The following NADSYN1 variants were observed in gnomAD, a reference collection of about 807,000 sequenced individuals.
NADSYN1 encodes glutamine-dependent NAD(+) synthetase.
A neutral mutation model predicts 99.3 loss-of-function variants in NADSYN1; 80 were observed. The observed-to-expected ratio is 0.81, with a 90% CI of 0.67 to 0.97. The LOEUF (loss-of-function observed/expected upper bound fraction) is 0.97, where lower values mean the gene tolerates loss of function less well. Among genes scored for constraint, NADSYN1 ranks in the 50% least tolerant of loss-of-function variants. The pLI, the probability that NADSYN1 is intolerant of heterozygous loss-of-function variation, is 0.00. For missense variants in NADSYN1, 859 were observed against 948.5 expected (o/e 0.91, Z 1.24); for synonymous variants, 385 against 372.1 (o/e 1.03, Z -0.40).
At chr11:71,497,378 A>G (rs771552931) in intron 18 of NADSYN1, 105 bp from the exon 19 acceptor site, 7 of 1,457,238 alleles carry the variant, frequency 4.8e-6, no homozygotes, top group Non-Finnish European at 5.6e-6. Flanking sequence ...CTCTCTGGGA[A>G]AGTATTGCCT....
chr11:71,494,486 A>G (rs1428808452), intron 18 of NADSYN1, among the ~76,000 whole-genome samples: 1 of 152,162 alleles, frequency 6.6e-6, no homozygotes, highest in Non-Finnish European at 1.5e-5. Context: ...CTCAGAACGT[A>G]TCCCTGTCAT....
intron 1 of NADSYN1, 109 bp from the exon 2 acceptor site, chr11:71,454,994 TTTGTTTG>T (rs1949503500): frequency 1.4e-6 from 1 of 701,230 alleles, no homozygotes; most frequent in Admixed American, 2.9e-5. Flanking sequence ...ACAGAGCATT[TTTGTTTG>T]TTGTTTGTTT....
chr11:71,486,796 CTTTTTTTTT>C (rs57662255), intron 16 of NADSYN1, among the ~76,000 whole-genome samples: 4 of 60,968 alleles, frequency 6.6e-5, no homozygotes, highest in Non-Finnish European at 1.1e-4. Flanking sequence ...GCGTGAGTGT[CTTTTTTTTT>C]TTTTTTTTTT....
intron 17 of NADSYN1, among the ~76,000 whole-genome samples, chr11:71,491,404 GCCCCCC>G: frequency 6.6e-6 from 1 of 151,650 alleles, no homozygotes. Context: ...GAGTGACTGT[GCCCCCC>G]AGGGGACATC....
chr11:71,484,580 C>A, intron 15 of NADSYN1, 133 bp downstream of exon 15: 1 of 1,329,612 alleles, frequency 7.5e-7, no homozygotes, highest in Non-Finnish European at 1.0e-6. Flanking sequence ...TACCTAGGGA[C>A]AGCCAGTGCT....
At chr11:71,483,131 A>G in intron 14 of NADSYN1, 114 bp downstream of exon 14, 1 of 1,302,954 alleles carries the variant, frequency 7.7e-7, no homozygotes, top group Non-Finnish European at 1.1e-6. Flanking sequence ...GCATCGTGTC[A>G]TCCACTATGT....
chr11:71,481,403 A>AG lies in NADSYN1; in HGVS notation c.1047+1dup, dbSNP rs1172865449. Reference sequence around the variant, plus strand: ...TGGGATTTTTTAAGACGAAGTCAACAGGTAAGACTTCCAGTTTCTAGTGAG... The same window carrying AG: ...TGGGATTTTTTAAGACGAAGTCAACAGGGTAAGACTTCCAGTTTCTAGTGAG... On this transcript the variant is annotated frameshift_variant and splice_region_variant, in exon 12 of 21. Transcript: ENST00000319023. LOFTEE classifies it high-confidence loss of function. The AG allele has an allele frequency of 3.7e-6, 6 of 1,613,544 alleles. No homozygotes were observed. The highest frequency in any genetic ancestry group is 4.2e-6 in the Non-Finnish European group (5 of 1,179,870).
rs1463187773 is a variant in NADSYN1 at position 71,463,419 on chromosome 11, C to G, written c.264-13C>G. 4 of 1,613,390 alleles carry G rather than the reference C, an allele frequency of 2.5e-6. No homozygotes were observed. The Admixed American group carries it at 5.0e-5, about 20-fold the overall frequency. ...CCGGGCAGACACACATGTACCTCCC[C>G]TCTCTCCTGCAGGCCTGTAATGCAC... On this transcript the variant is annotated splice_polypyrimidine_tract_variant and intron_variant, in intron 3 of 20. Transcript: ENST00000319023.
rs147074568 is a variant in NADSYN1, at chr11:71,472,497, G to A, written c.456G>A (p.Lys152=). The A allele has an allele frequency of 1.3e-5, 21 of 1,613,416 alleles. No individual in the cohort carries two copies. The African/African-American group carries it at 2.5e-4, about 19-fold the overall frequency. The change falls in exon 6 of 21, where the codon AAG becomes AAA. Residue 152 remains lysine (K), a synonymous_variant. Coordinates refer to ENST00000319023, the MANE Select transcript of NADSYN1 (RefSeq NM_018161.5). ...CTCGGATGATACAGGACCTGACAAA[G>A]CAGGTGAGTCCCTGGGTGTGGAGCC... The part of the protein sequence containing the change: ...FLPRMIQDLT[K]QETVPFGDAV...
At chr11:71,499,591 A>G (rs1949844295) in intron 20 of NADSYN1, 1 of 152,170 alleles carries the variant, frequency 6.6e-6, no homozygotes, top group South Asian at 2.1e-4. Flanking sequence ...ATTAATTATT[A>G]ATAGAATCAA....
Position 71,453,328 on chromosome 11 carries a change from C to T in NADSYN1, c.32C>T (p.Ala11Val). The change falls in exon 1 of 21, where the codon GCA becomes GTA. Residue 11 changes from alanine (A) to valine (V), a missense_variant. Coordinates refer to ENST00000319023, the MANE Select transcript of NADSYN1 (RefSeq NM_018161.5). The stretch of plus-strand genomic sequence containing the variant: ...CGGAAGGTGACCGTGGCCACCTGCG[C>T]ACTCAACCAGTGGGCCCTGGACTTC... MGRKVTVATC[A>V]LNQWALDFEG... 6.2e-7 allele frequency: 1 copy of T among 1,613,922 alleles called. No homozygotes were observed. The highest frequency in any genetic ancestry group is 1.1e-5 in the South Asian group (1 of 91,070).
chr11:71,499,906 C>T (rs761469383), intron 20 of NADSYN1: 4 of 152,238 alleles, frequency 2.6e-5, no homozygotes, highest in Non-Finnish European at 4.4e-5. Flanking sequence ...CGTGGTGGTG[C>T]ACACCTGTGG....
At chr11:71,498,552 C>T (rs1949836480) in intron 20 of NADSYN1, 24 bp downstream of exon 20, 1 of 1,610,526 alleles carries the variant, frequency 6.2e-7, no homozygotes, top group African/African-American at 1.3e-5. Flanking sequence ...AAATGTTTCT[C>T]TCTCCATGTT....
chr11:71,464,174 T>C lies in NADSYN1; in HGVS notation c.407+32T>C, dbSNP rs116547193. On this transcript the variant is annotated intron_variant, in intron 5 of 20. Coordinates refer to ENST00000319023, the MANE Select transcript of NADSYN1 (RefSeq NM_018161.5). ...CGGGTGCCTGACCACTCCTGGGATGTGCGTTAAGCACCTCCGCTGTGTGTA... is the reference window on the plus strand; with the variant it reads ...CGGGTGCCTGACCACTCCTGGGATGCGCGTTAAGCACCTCCGCTGTGTGTA... 2,441 of 1,539,370 alleles carry C rather than the reference T, an allele frequency of 1.6e-3. 36 individuals are homozygous for C. The African/African-American group carries it at 0.029, about 18-fold the overall frequency.
Position 71,491,905 on chromosome 11 carries a change from T to G in NADSYN1, c.1764+2T>G. Reference sequence around the variant, plus strand: ...GGACAGGTGTCCCAGACCGACGAGGTAATGGCGGTGGCTTTGCCATGATGC... The same window carrying G: ...GGACAGGTGTCCCAGACCGACGAGGGAATGGCGGTGGCTTTGCCATGATGC... On this transcript the variant is annotated splice_donor_variant, in intron 18 of 20. Coordinates refer to ENST00000319023, the MANE Select transcript of NADSYN1 (RefSeq NM_018161.5). LOFTEE classifies it high-confidence loss of function. The G allele has an allele frequency of 6.2e-7, 1 of 1,613,604 alleles. No homozygotes were observed. Among genetic ancestry groups the G allele is most frequent in the Non-Finnish European group, 8.5e-7 (1 of 1,179,840 alleles).
At chr11:71,489,671 C>T (rs1267357845) in intron 16 of NADSYN1, among the ~76,000 whole-genome samples, 1 of 152,248 alleles carries the variant, frequency 6.6e-6, no homozygotes, top group Non-Finnish European at 1.5e-5. Context: ...GTAGCCCTCA[C>T]TGAAGGCAGC....
Position 71,481,953 on chromosome 11 carries a change from G to C in NADSYN1, c.1078G>C (p.Val360Leu). The C allele has an allele frequency of 6.2e-7, 1 of 1,610,030 alleles. No individual in the cohort carries two copies. Among genetic ancestry groups the C allele is most frequent in the Non-Finnish European group, 8.5e-7 (1 of 1,178,448 alleles). Residue 360 changes from valine to leucine, a missense_variant, in exon 13 of 21, where the codon GTG becomes CTG. By Grantham distance (32) the Val-to-Leu change is conservative. Transcript: ENST00000319023. Reference protein sequence around the residue: ...AGFLLPLSGGVDSAATACLIY... With the variant: ...AGFLLPLSGGLDSAATACLIY... ...GTTTTTGCTGCCCTTGAGTGGCGGGGTGGACAGCGCAGCCACCGCCTGCCT... is the reference window on the plus strand; with the variant it reads ...GTTTTTGCTGCCCTTGAGTGGCGGGCTGGACAGCGCAGCCACCGCCTGCCT...
intron 3 of NADSYN1, chr11:71,460,331 G>A (rs929699804): frequency 2.0e-5 from 3 of 152,184 alleles, no homozygotes; most frequent in African/African-American, 4.8e-5. Flanking sequence ...TATTCATTAG[G>A]TTTTCTTTTT....
rs145980605 is a variant in NADSYN1, at chr11:71,474,397, C to T, written c.669C>T (p.Asn223=). Residue 223 remains asparagine (N), a splice_region_variant and synonymous_variant, in exon 9 of 21, where the codon AAC becomes AAT. Coordinates refer to ENST00000319023, the MANE Select transcript of NADSYN1 (RefSeq NM_018161.5). ...GCTATGGGGTCCTCCTTTTTCAGAACGGTGGGATTTACTTGCTGGCCAACC... is the reference window on the plus strand; with the variant it reads ...GCTATGGGGTCCTCCTTTTTCAGAATGGTGGGATTTACTTGCTGGCCAACC... ...VDLVTMVTSK[N]GGIYLLANQK... is the part of the protein sequence containing the mutation. 442 of 1,614,112 alleles carry T rather than the reference C, an allele frequency of 2.7e-4. 3 individuals carry two copies. In the African/African-American group the frequency reaches 4.9e-3, roughly 18 times the overall value.
Sources: allele counts gnomAD v4.1 joint callset (sites outside exome capture counted in the v4.1 genomes callset), GRCh38; gene constraint gnomAD v4.1.1; transcripts MANE v1.5; gene names NCBI Gene and HGNC (gene_info 2026-07-23, HGNC 2026-07-21).